The following NCKAP5 variants were observed in gnomAD, a reference collection of about 807,000 sequenced individuals.
NCKAP5 encodes the protein nck-associated protein 5.
Under a neutral mutation model 167.0 loss-of-function variants are expected in NCKAP5, and 92 were observed. That is an observed-to-expected ratio of 0.55 (90% CI 0.47 to 0.66). The LOEUF (loss-of-function observed/expected upper bound fraction) is 0.66. Ranked by LOEUF, NCKAP5 falls within the 30% of genes least tolerant of loss-of-function variation. The pLI, the probability that NCKAP5 is intolerant of heterozygous loss-of-function variation, is 0.00. For synonymous variants in NCKAP5, 891 were observed against 877.4 expected (o/e 1.02, Z -0.27); for missense variants, 2,378 against 2,315.0 (o/e 1.03, Z -0.56).
intron 8 of NCKAP5, among the ~76,000 whole-genome samples, chr2:132,936,388 G>A (rs780452159): frequency 6.6e-5 from 10 of 152,216 alleles, no homozygotes; most frequent in Non-Finnish European, 1.2e-4. Flanking sequence ...TCCTGAATGA[G>A]TGAAATACTC....
At position 132,731,900 on chromosome 2, in the gene NCKAP5, T is replaced by G. The variant is rs761993138; in HGVS notation, c.5280A>C (p.Ala1760=). Residue 1760 remains alanine, a synonymous_variant, in exon 17 of 20, where the codon GCA becomes GCC. Transcript: ENST00000409261. ...PLLPLQSALS[A]VSSMRAQTLE... ...GGGTTTGGGCTCTCATGGAAGAAAC[T>G]GCAGAAAGGGCTGACTGGAGAGGCA... 6.2e-7 allele frequency: 1 copy of G among 1,613,870 alleles called. No homozygotes were observed. Among genetic ancestry groups the G allele is most frequent in the Non-Finnish European group, 8.5e-7 (1 of 1,179,870 alleles).
At chr2:132,715,715 C>T (rs756177173) in intron 19 of NCKAP5, among the ~76,000 whole-genome samples, 16 of 152,114 alleles carry the variant, frequency 1.1e-4, no homozygotes, top group East Asian at 1.9e-4. Context: ...ACAAAGACAC[C>T]GTGGAGGGAT....
intron 11 of NCKAP5, among the ~76,000 whole-genome samples, chr2:132,841,979 T>G (rs541027349): frequency 6.6e-6 from 1 of 152,252 alleles, no homozygotes; most frequent in East Asian, 1.9e-4. Context: ...GTCTAGTATT[T>G]TTATAAGATT....
chr2:133,257,424 T>C lies in NCKAP5; in HGVS notation c.144-43645A>G, dbSNP rs532745479. ...GAGAGAAGCAAATACAGAGAACAAA[T>C]GAGTTATTAATTAAGCAGCTAAATG... On this transcript the variant is annotated intron_variant, in intron 4 of 19. Transcript: ENST00000409261. Among the ~76,000 whole-genome samples, 6 of 152,262 alleles carry C rather than the reference T, an allele frequency of 3.9e-5. No individual in the cohort carries two copies. In the East Asian group the frequency reaches 1.2e-3, roughly 29 times the overall value.
chr2:132,868,215 A>G (rs925924146), intron 10 of NCKAP5, among the ~76,000 whole-genome samples: 2 of 152,178 alleles, frequency 1.3e-5, no homozygotes, highest in Admixed American at 1.3e-4. Context: ...AATCTGAGGG[A>G]ACTAAAATTT....
intron 4 of NCKAP5, among the ~76,000 whole-genome samples, chr2:133,280,285 G>T (rs534395952): frequency 6.6e-6 from 1 of 152,336 alleles, no homozygotes; most frequent in African/African-American, 2.4e-5. Flanking sequence ...GTCTGAAATG[G>T]CTGCATAAGG....
intron 3 of NCKAP5, among the ~76,000 whole-genome samples, chr2:133,478,573 G>A (rs574075476): frequency 6.6e-6 from 1 of 152,204 alleles, no homozygotes; most frequent in South Asian, 2.1e-4. Context: ...TAGTCCACCA[G>A]GGCACTTTGT....
chr2:132,936,664 T>C (rs979454801), intron 8 of NCKAP5, among the ~76,000 whole-genome samples: 1 of 152,192 alleles, frequency 6.6e-6, no homozygotes, highest in Non-Finnish European at 1.5e-5. Context: ...AACTGTTATC[T>C]GAGTATTGAA....
intron 4 of NCKAP5, among the ~76,000 whole-genome samples, chr2:133,227,102 C>A (rs2086927279): frequency 6.6e-6 from 1 of 152,034 alleles, no homozygotes; most frequent in Non-Finnish European, 1.5e-5. Flanking sequence ...GTTAAGAGCA[C>A]AAAAGTCAGA....
intron 9 of NCKAP5, among the ~76,000 whole-genome samples, chr2:132,872,675 T>G (rs1690918750): frequency 6.6e-6 from 1 of 152,198 alleles, no homozygotes; most frequent in Non-Finnish European, 1.5e-5. Flanking sequence ...CATATCTTCA[T>G]GAGCTATTTC....
intron 11 of NCKAP5, among the ~76,000 whole-genome samples, chr2:132,816,767 A>G (rs1686308441): frequency 6.6e-6 from 1 of 152,168 alleles, no homozygotes; most frequent in South Asian, 2.1e-4. Flanking sequence ...ACCAGCTCTT[A>G]GCAAAACCCC....
intron 6 of NCKAP5, among the ~76,000 whole-genome samples, chr2:133,042,376 T>C (rs1320959286): frequency 6.6e-6 from 1 of 152,102 alleles, no homozygotes; most frequent in Non-Finnish European, 1.5e-5. Flanking sequence ...GGTGGGAGGA[T>C]GTATGCAGCC....
chr2:133,173,578 T>TC (rs1302440801), intron 5 of NCKAP5, among the ~76,000 whole-genome samples: 27 of 152,106 alleles, frequency 1.8e-4, no homozygotes, highest in Non-Finnish European at 5.9e-5. Flanking sequence ...TTTACCAGAA[T>TC]CCCCCCTTAC....
intron 2 of NCKAP5, among the ~76,000 whole-genome samples, chr2:133,545,431 G>C (rs1244402259): frequency 6.6e-6 from 1 of 152,140 alleles, no homozygotes; most frequent in Admixed American, 6.5e-5. Flanking sequence ...CCAAGGCAGA[G>C]AGTGAAGGAG....
At chr2:132,715,465 A>T (rs549425205) in intron 19 of NCKAP5, among the ~76,000 whole-genome samples, 1 of 151,808 alleles carries the variant, frequency 6.6e-6, no homozygotes, top group Non-Finnish European at 1.5e-5. Context: ...TGTTGACTAC[A>T]TTTTTTTTCT....
At chr2:133,133,201 G>A (rs1178387416) in intron 5 of NCKAP5, among the ~76,000 whole-genome samples, 1 of 152,180 alleles carries the variant, frequency 6.6e-6, no homozygotes, top group Non-Finnish European at 1.5e-5. Flanking sequence ...ACTAGGTACT[G>A]AAGAGCAATA....
intron 6 of NCKAP5, among the ~76,000 whole-genome samples, chr2:133,044,891 C>CA (rs984759355): frequency 2.2e-4 from 34 of 151,806 alleles, no homozygotes; most frequent in African/African-American, 7.2e-4. Flanking sequence ...CCCATCTCTA[C>CA]AAAAAATGGA....
At chr2:132,972,373 A>T (rs1382334123) in intron 7 of NCKAP5, among the ~76,000 whole-genome samples, 1 of 152,208 alleles carries the variant, frequency 6.6e-6, no homozygotes, top group Non-Finnish European at 1.5e-5. Context: ...TCCAAGAGAC[A>T]GGTTCTATGT....
the NCKAP5 span, among the ~76,000 whole-genome samples, chr2:133,580,063 C>A: frequency 6.6e-6 from 1 of 152,176 alleles, no homozygotes; most frequent in Non-Finnish European, 1.5e-5. Flanking sequence ...GTCATTAGCA[C>A]ATCAATCCAA....
Sources: allele counts gnomAD v4.1 joint callset (sites outside exome capture counted in the v4.1 genomes callset), GRCh38; gene constraint gnomAD v4.1.1; transcripts MANE v1.5; gene names NCBI Gene and HGNC (gene_info 2026-07-23, HGNC 2026-07-21).